CREBBP: variants seen among roughly 807,000 people sequenced by gnomAD.
CREBBP encodes CREB-binding protein.
A neutral mutation model predicts 265.0 loss-of-function variants in CREBBP; 19 were observed. That is an observed-to-expected ratio of 0.07 (90% CI 0.05 to 0.11). CREBBP has a LOEUF of 0.11. CREBBP is among the 10% of genes least tolerant of loss of function. The probability of loss-of-function intolerance (pLI) is 1.00; values close to 1 mark genes in which losing one functional copy is unlikely to be tolerated. For missense variants in CREBBP, 2,525 were observed against 3,219.0 expected, an observed-to-expected ratio of 0.78 and a Z score of 5.22; for synonymous variants, 1,457 against 1,223.7, an observed-to-expected ratio of 1.19 and a Z score of -3.98.
chr16:3,748,943 C>T (rs917973984), intron 21 of CREBBP, among the ~76,000 whole-genome samples: 7 of 152,094 alleles, frequency 4.6e-5, no homozygotes, highest in Admixed American at 3.3e-4. Context: ...GTCAGGAGAT[C>T]GAGACCATCC....
At position 3,773,902 on chromosome 16, in the gene CREBBP, T is replaced by C. The variant is rs147805823; in HGVS notation, c.2312A>G (p.Gln771Arg). 5.3e-5 allele frequency: 86 copies of C among 1,612,130 alleles called. No homozygotes were observed. The highest frequency in any genetic ancestry group is 7.0e-5 in the Non-Finnish European group (83 of 1,180,030). ...GMAISPSRMP[Q>R]PPNMMGAHTN... ...GTGTGCACCCATCATGTTCGGAGGC[T>C]GAGGCATTCGGGAAGGAGAAATGGC... The change falls in exon 13 of 31, where the codon CAG becomes CGG. Residue 771 changes from glutamine (Q) to arginine (R), a missense_variant. By Grantham distance (43) the Gln-to-Arg change is conservative. This residue lies in a region of CREBBP where 548 missense variants were observed against 533.0 expected (regional missense o/e 1.03). Transcript: ENST00000262367.
At chr16:3,805,103 GA>G (rs1263262568) in intron 3 of CREBBP, among the ~76,000 whole-genome samples, 11 of 152,326 alleles carry the variant, frequency 7.2e-5, no homozygotes, top group South Asian at 4.1e-4. Flanking sequence ...AACCAACGGG[GA>G]TAAGTTTGAA....
chr16:3,852,926 T>C (rs2054882640), intron 1 of CREBBP, among the ~76,000 whole-genome samples: 1 of 150,150 alleles, frequency 6.7e-6, no homozygotes, highest in Admixed American at 6.6e-5. Flanking sequence ...AAGGAAGAAG[T>C]ATGTAGAAAT....
intron 21 of CREBBP, among the ~76,000 whole-genome samples, chr16:3,748,793 T>C (rs2380332): frequency 0.041 from 6,250 of 152,240 alleles, 331 homozygotes; most frequent in East Asian, 0.2. Context: ...GAAGTCTCTT[T>C]AGGGGCTGTT....
intron 3 of CREBBP, among the ~76,000 whole-genome samples, chr16:3,801,020 G>A (rs1003534569): frequency 2.6e-5 from 4 of 152,156 alleles, no homozygotes; most frequent in Admixed American, 2.6e-4. Context: ...TGTGTTCAGG[G>A]TCCAAGGTAC....
Position 3,780,875 on chromosome 16 carries a change from T to C in CREBBP, c.1680A>G (p.Pro560=). ...ALPTSLGATN[P]LMNDGSNSGN... ...CAGAGTTGGAGCCATCGTTCATCAGTGGGCTAAGGAGGAAATAAAGACACT... is the reference window on the plus strand; with the variant it reads ...CAGAGTTGGAGCCATCGTTCATCAGCGGGCTAAGGAGGAAATAAAGACACT... Residue 560 remains proline (P), a synonymous_variant, in exon 8 of 31, where the codon CCA becomes CCG. Transcript: ENST00000262367. 3.1e-6 allele frequency: 5 copies of C among 1,613,366 alleles called. No homozygotes were observed. The highest frequency in any genetic ancestry group is 4.2e-6 in the Non-Finnish European group (5 of 1,180,016).
intron 2 of CREBBP, among the ~76,000 whole-genome samples, chr16:3,843,060 A>G (rs958295155): frequency 6.6e-5 from 10 of 151,838 alleles, no homozygotes; most frequent in Non-Finnish European, 1.3e-4. Context: ...ACATTTTTGC[A>G]CAGCTTTAAG....
intron 2 of CREBBP, among the ~76,000 whole-genome samples, chr16:3,849,445 GTGTGTGTGTGTGTGTGT>G (rs2054767539): frequency 4.1e-5 from 1 of 24,188 alleles, no homozygotes; most frequent in Non-Finnish European, 1.6e-4. Flanking sequence ...GTGTGTGTGT[GTGTGTGTGTGTGTGTGT>G]GTGTGTGTGT....
intron 13 of CREBBP, among the ~76,000 whole-genome samples, chr16:3,771,802 C>CTT (rs34195127): frequency 3.8e-5 from 5 of 131,924 alleles, no homozygotes; most frequent in Admixed American, 7.6e-5. Context: ...CAATTTAAAA[C>CTT]TTTTTTTTTT....
At chr16:3,745,398 A>C in intron 21 of CREBBP, 44 bp from the exon 22 acceptor site, 1 of 1,572,592 alleles carries the variant, frequency 6.4e-7, no homozygotes, top group Non-Finnish European at 8.7e-7. Context: ...ACGGAACCAC[A>C]AGACCAGAGT....
chr16:3,879,768 GCT>G (rs538145254), intron 1 of CREBBP, 62 bp downstream of exon 1: 3 of 1,498,186 alleles, frequency 2.0e-6, no homozygotes, highest in Non-Finnish European at 2.7e-6. Context: ...ACCCCCGGAC[GCT>G]CTCTTTCAGG....
At chr16:3,795,121 G>T (rs557339090) in intron 3 of CREBBP, among the ~76,000 whole-genome samples, 1 of 152,300 alleles carries the variant, frequency 6.6e-6, no homozygotes, top group African/African-American at 2.4e-5. Flanking sequence ...AAAACTCTTG[G>T]AAGTCTGAGA....
In CREBBP at chr16:3,770,888, G is replaced by C. The variant is rs749274639; in HGVS notation, c.2562C>G (p.His854Gln). The change falls in exon 14 of 31, where the codon CAC becomes CAG. Residue 854 changes from histidine to glutamine, a missense_variant. By Grantham distance (24) the His-to-Gln change is conservative. This residue lies in a region of CREBBP where 548 missense variants were observed against 533.0 expected (regional missense o/e 1.03). Transcript: ENST00000262367. The stretch of plus-strand genomic sequence containing the variant: ...CCGTGGAAGCAGGAGGCGGTGTTGG[G>C]TGCAGTGGTGACTGTGTCACTGGAG... ...PCPPVTQSPL[H>Q]PTPPPASTAA... 1 of 1,613,854 alleles carries C rather than the reference G, an allele frequency of 6.2e-7. No homozygotes were observed. The highest frequency in any genetic ancestry group is 8.5e-7 in the Non-Finnish European group (1 of 1,180,026).
chr16:3,768,075 T>C (rs2052901522), intron 15 of CREBBP, among the ~76,000 whole-genome samples, 166 bp from the exon 16 acceptor site: 1 of 151,078 alleles, frequency 6.6e-6, no homozygotes, highest in Non-Finnish European at 1.5e-5. Context: ...ATAAAGTACT[T>C]GGTGTTCATT....
rs1354388742 is a variant in CREBBP, at chr16:3,727,886, G to C, written c.7161C>G (p.Leu2387=). The C allele has an allele frequency of 1.2e-6, 2 of 1,613,422 alleles. No individual in the cohort carries two copies. The highest frequency in any genetic ancestry group is 1.7e-5 in the Admixed American group (1 of 59,990). The change falls in exon 31 of 31, where the codon CTC becomes CTG. Residue 2387 remains leucine, a synonymous_variant. Transcript: ENST00000262367. ...SPQTGSPHPG[L]AVTMASSIDQ... ...CTATGGAGCTGGCCATGGTGACTGCGAGTCCGGGGTGGGGGGAACCAGTCT... is the reference window on the plus strand; with the variant it reads ...CTATGGAGCTGGCCATGGTGACTGCCAGTCCGGGGTGGGGGGAACCAGTCT...
intron 2 of CREBBP, among the ~76,000 whole-genome samples, chr16:3,818,827 A>G (rs1596999804): frequency 1.3e-5 from 2 of 152,372 alleles, no homozygotes; most frequent in South Asian, 4.1e-4. Context: ...AAGCTTTGCA[A>G]AGACAAGTGG....
rs141964128 is a variant in CREBBP, at chr16:3,818,299, T to A, written c.799-7520A>T. The stretch of plus-strand genomic sequence containing the variant: ...TGCCGAGTTTGATGTTTAGGTTTTC[T>A]TTTCTTTTTTTTTTTTTTTTTTTTT... On this transcript the variant is annotated intron_variant, in intron 2 of 30. Transcript: ENST00000262367. 1.2e-3 allele frequency among the ~76,000 whole-genome samples: 172 copies of A among 142,078 alleles called. 2 individuals are homozygous for A. The highest frequency in any genetic ancestry group is 1.6e-3 in the Non-Finnish European group (102 of 63,872). 93.2% of individuals were successfully genotyped at this position (142,078 alleles called of 152,430 possible). A position where few individuals can be genotyped will look rare whatever the true frequency, so the allele number is the denominator to read the frequency against.
chr16:3,770,026 A>G (rs1286431090), intron 14 of CREBBP, among the ~76,000 whole-genome samples: 1 of 152,124 alleles, frequency 6.6e-6, no homozygotes, highest in Non-Finnish European at 1.5e-5. Context: ...ACCAGCCATC[A>G]TGCCCGGCTA....
Position 3,728,338 on chromosome 16 carries a change from G to C in CREBBP, c.6709C>G (p.Pro2237Ala), listed in dbSNP as rs1167133154. Residue 2237 changes from proline to alanine, a missense_variant, in exon 31 of 31, where the codon CCC becomes GCC. This residue lies in a region of CREBBP where 473 missense variants were observed against 459.3 expected (regional missense o/e 1.03). Transcript: ENST00000262367. The surrounding 1 kb of genome is among the most constrained non-coding windows in gnomAD (Gnocchi z 8.7). ...TGCATGGCCGGTGGGTAGCCTCCGG[G>C]TCCTTGAGGCTGCTGGAACTGGCCG... ...GHGQFQQPQGPGGYPPAMQQQ... is the reference protein window; with the variant it reads ...GHGQFQQPQGAGGYPPAMQQQ... The C allele has an allele frequency of 6.2e-7, 1 of 1,612,480 alleles. No homozygotes were observed. Among genetic ancestry groups the C allele is most frequent in the Non-Finnish European group, 8.5e-7 (1 of 1,179,648 alleles).
Sources: gnomAD v4.1 joint callset for allele counts (sites outside exome capture counted in the v4.1 genomes callset) on GRCh38, gnomAD v4.1.1 for gene constraint, gnomAD v4.1.1 regional missense constraint, Gnocchi (gnomAD v3.1) non-coding constraint, MANE v1.5 for transcripts, NCBI Gene and HGNC (gene_info 2026-07-23, HGNC 2026-07-21) for gene names.